The following AFG2A variants were observed in gnomAD, a reference collection of about 807,000 sequenced individuals.
AFG2A encodes AAA ATPase AFG2A.
chr4:123,008,387 T>A, the AFG2A span, among the ~76,000 whole-genome samples: 2 of 152,170 alleles, frequency 1.3e-5, no homozygotes, highest in African/African-American at 4.8e-5. Context: ...CTACCTCCAA[T>A]ATTGGGGATC....
the AFG2A span, among the ~76,000 whole-genome samples, chr4:122,985,183 T>C: frequency 6.6e-6 from 1 of 150,842 alleles, no homozygotes; most frequent in African/African-American, 2.4e-5. Context: ...TGGAGTGCAA[T>C]GGTGCAATCT....
the AFG2A span, among the ~76,000 whole-genome samples, chr4:123,071,578 A>AT: frequency 8.5e-5 from 13 of 152,222 alleles, no homozygotes; most frequent in East Asian, 1.9e-3. Context: ...TTAGTGTGGA[A>AT]TTTTTACTGG....
At chr4:123,046,202 G>A in the AFG2A span, among the ~76,000 whole-genome samples, 1 of 151,934 alleles carries the variant, frequency 6.6e-6, no homozygotes, top group South Asian at 2.1e-4. Context: ...CTATTCAGTG[G>A]TTTATGATTT....
At chr4:122,999,463 T>G in the AFG2A span, among the ~76,000 whole-genome samples, 1 of 152,180 alleles carries the variant, frequency 6.6e-6, no homozygotes, top group African/African-American at 2.4e-5. Flanking sequence ...AAGTCTTTAA[T>G]CCATCTTGAA....
chr4:123,135,218 A>G, the AFG2A span, among the ~76,000 whole-genome samples: 2 of 76,142 alleles, frequency 2.6e-5, no homozygotes, highest in Non-Finnish European at 8.0e-5. Context: ...TCCTGTCATG[A>G]TTAAAAATCT....
At chr4:123,013,171 G>A in the AFG2A span, among the ~76,000 whole-genome samples, 5 of 152,070 alleles carry the variant, frequency 3.3e-5, no homozygotes, top group African/African-American at 7.2e-5. Flanking sequence ...GTGCTCAGTG[G>A]GGGAGCTTTT....
chr4:123,240,705 A>G, the AFG2A span, among the ~76,000 whole-genome samples: 5 of 152,344 alleles, frequency 3.3e-5, no homozygotes, highest in South Asian at 4.1e-4. Context: ...TGACACCCTG[A>G]CATCACAATT....
chr4:123,110,860 G>C, the AFG2A span, among the ~76,000 whole-genome samples: 1 of 152,140 alleles, frequency 6.6e-6, no homozygotes, highest in African/African-American at 2.4e-5. Context: ...TGTAAGGCAG[G>C]ACTTTCTGTC....
chr4:123,045,361 A>G, the AFG2A span, among the ~76,000 whole-genome samples: 2 of 152,226 alleles, frequency 1.3e-5, no homozygotes, highest in Non-Finnish European at 2.9e-5. Context: ...CCATAAAATT[A>G]GAAATGAGCA....
chr4:123,211,322 T>C, the AFG2A span, among the ~76,000 whole-genome samples: 4 of 152,264 alleles, frequency 2.6e-5, no homozygotes, highest in East Asian at 5.8e-4. Flanking sequence ...AAAATTTCCA[T>C]GACATGTTTG....
chr4:123,317,729 A>G, the AFG2A span: 1 of 152,250 alleles, frequency 6.6e-6, no homozygotes, highest in Admixed American at 6.5e-5. Context: ...TGTGATAGTC[A>G]TACAATGGAA....
the AFG2A span, among the ~76,000 whole-genome samples, chr4:123,122,184 GAGAT>G: frequency 6.6e-6 from 1 of 152,144 alleles, no homozygotes; most frequent in Admixed American, 6.5e-5. Context: ...TGATGAGAAA[GAGAT>G]AGATTTGTTC....
the AFG2A span, among the ~76,000 whole-genome samples, chr4:123,294,678 A>G: frequency 6.6e-6 from 1 of 152,202 alleles, no homozygotes; most frequent in African/African-American, 2.4e-5. Context: ...TCAAATCAAG[A>G]TGACACATCT....
chr4:123,129,431 G>C, the AFG2A span, among the ~76,000 whole-genome samples: 4 of 152,188 alleles, frequency 2.6e-5, no homozygotes, highest in Non-Finnish European at 5.9e-5. Context: ...AGCTGCAAGA[G>C]AGGCTGTAAA....
chr4:123,198,726 C>T, the AFG2A span, among the ~76,000 whole-genome samples: 3 of 152,194 alleles, frequency 2.0e-5, no homozygotes, highest in African/African-American at 7.2e-5. Flanking sequence ...AAAATATCTT[C>T]CTGCCCTAGC....
the AFG2A span, among the ~76,000 whole-genome samples, chr4:123,139,392 C>A: frequency 2.6e-5 from 4 of 152,008 alleles, no homozygotes; most frequent in Non-Finnish European, 5.9e-5. Flanking sequence ...GTCTCAGACA[C>A]AACCATCTTT....
At chr4:123,226,172 C>T in the AFG2A span, among the ~76,000 whole-genome samples, 2 of 152,208 alleles carry the variant, frequency 1.3e-5, no homozygotes, top group African/African-American at 4.8e-5. Context: ...GACAATTTGA[C>T]TTCCTCTTTT....
chr4:123,188,134 AC>A, the AFG2A span, among the ~76,000 whole-genome samples: 1 of 152,054 alleles, frequency 6.6e-6, no homozygotes, highest in African/African-American at 2.4e-5. Flanking sequence ...AACATATGGA[AC>A]ACATCTTAGG....
chr4:123,074,524 C>T, the AFG2A span, among the ~76,000 whole-genome samples: 1 of 144,908 alleles, frequency 6.9e-6, no homozygotes, highest in Non-Finnish European at 1.5e-5. Context: ...ATCCTCTGTT[C>T]TGTTTTCACT....
Sources: gnomAD v4.1 joint callset for allele counts (sites outside exome capture counted in the v4.1 genomes callset) on GRCh38, gnomAD v4.1.1 for gene constraint, MANE v1.5 for transcripts, NCBI Gene and HGNC (gene_info 2026-07-23, HGNC 2026-07-21) for gene names.